Variants in PRKG1 observed in about 807,000 individuals in gnomAD.
PRKG1 encodes the protein cGMP-dependent protein kinase 1.
Under a neutral mutation model 88.1 loss-of-function variants are expected in PRKG1, and 35 were observed. The observed-to-expected ratio is 0.40, with a 90% CI of 0.30 to 0.53. The LOEUF (loss-of-function observed/expected upper bound fraction) is 0.53, where lower values mean the gene tolerates loss of function less well. Ranked by LOEUF, PRKG1 falls within the 20% of genes least tolerant of loss-of-function variation. The pLI, the probability that PRKG1 is intolerant of heterozygous loss-of-function variation, is 0.59. For missense variants in PRKG1, 540 were observed against 839.8 expected (o/e 0.64, Z 4.41); for synonymous variants, 303 against 292.5 (o/e 1.04, Z -0.37).
At chr10:51,833,973 G>A (rs1174306527) in intron 4 of PRKG1, among the ~76,000 whole-genome samples, 3 of 152,064 alleles carry the variant, frequency 2.0e-5, no homozygotes, top group Non-Finnish European at 4.4e-5. Flanking sequence ...TCCATGCCTA[G>A]CCTGTTTCAC....
chr10:51,848,853 T>TG (rs1840473753), intron 4 of PRKG1, among the ~76,000 whole-genome samples: 1 of 106,120 alleles, frequency 9.4e-6, no homozygotes, highest in African/African-American at 7.9e-5. Flanking sequence ...GCGTTTCTAT[T>TG]TTTTTTTTTT....
chr10:51,838,626 T>G (rs1840189033), intron 4 of PRKG1, among the ~76,000 whole-genome samples: 1 of 152,182 alleles, frequency 6.6e-6, no homozygotes, highest in Admixed American at 6.5e-5. Flanking sequence ...GGCTGAAATG[T>G]CTTCCTTATC....
intron 1 of PRKG1, among the ~76,000 whole-genome samples, chr10:51,009,442 T>G (rs761548604): frequency 6.6e-6 from 1 of 152,160 alleles, no homozygotes; most frequent in Non-Finnish European, 1.5e-5. Context: ...CACACATACT[T>G]TTAGCTTTAC....
chr10:51,312,040 T>A (rs1841201994), intron 2 of PRKG1, among the ~76,000 whole-genome samples: 1 of 151,696 alleles, frequency 6.6e-6, no homozygotes, highest in Admixed American at 6.6e-5. Context: ...CCCGGCTAAT[T>A]TTGTATTTTT....
rs191559463 is a variant in PRKG1 at position 52,105,216 on chromosome 10, G to A, written c.936-28624G>A. On this transcript the variant is annotated intron_variant, in intron 7 of 17. Coordinates refer to ENST00000373980, the MANE Select transcript of PRKG1 (RefSeq NM_006258.4). ...TTTTTTTTTTTATTACCAATTGGAA[G>A]AAACACATATATGGGTCCAAATTGT... Among the ~76,000 whole-genome samples the A allele has an allele frequency of 1.0e-2, 1,513 of 152,052 alleles. 17 individuals carry two copies. Among genetic ancestry groups the A allele is most frequent in the Non-Finnish European group, 0.016 (1,094 of 67,968 alleles).
intron 10 of PRKG1, 33 bp downstream of exon 10, chr10:52,251,699 C>G (rs767623831): frequency 6.6e-7 from 1 of 1,517,796 alleles, no homozygotes; most frequent in South Asian, 1.2e-5. Context: ...CTTTTGATCG[C>G]CTCTGCTTCC....
chr10:52,161,075 T>G (rs142497537), intron 8 of PRKG1, among the ~76,000 whole-genome samples: 9 of 152,094 alleles, frequency 5.9e-5, no homozygotes, highest in Non-Finnish European at 1.3e-4. Context: ...TAGAATGTAG[T>G]GTACAGTAAG....
intron 4 of PRKG1, among the ~76,000 whole-genome samples, chr10:51,895,015 T>C (rs1841808460): frequency 6.6e-6 from 1 of 152,180 alleles, no homozygotes. Context: ...AGAACTCTTG[T>C]CTAAATGAGA....
At chr10:51,684,245 C>A (rs753660565) in intron 3 of PRKG1, among the ~76,000 whole-genome samples, 60 of 152,152 alleles carry the variant, frequency 3.9e-4, no homozygotes, top group Non-Finnish European at 6.9e-4. Context: ...AAGCTGAAGA[C>A]CATACGTTGT....
chr10:51,939,703 A>T (rs1025673271), intron 5 of PRKG1, among the ~76,000 whole-genome samples: 10 of 151,786 alleles, frequency 6.6e-5, no homozygotes, highest in Admixed American at 2.6e-4. Flanking sequence ...GAGTCCTTAA[A>T]TATGTTGAGT....
chr10:51,969,615 A>G (rs76559245), intron 5 of PRKG1, among the ~76,000 whole-genome samples: 1,806 of 152,224 alleles, frequency 0.012, 41 homozygotes, highest in African/African-American at 0.042. Context: ...AAAGTGTTAT[A>G]TTGTATAAGA....
At chr10:52,266,186 T>TTTATTATTA (rs60451262) in intron 10 of PRKG1, among the ~76,000 whole-genome samples, 16 of 149,240 alleles carry the variant, frequency 1.1e-4, no homozygotes, top group Non-Finnish European at 1.6e-4. Flanking sequence ...ATATTAATGC[T>TTTATTATTA]TTATTATTAT....
intron 2 of PRKG1, among the ~76,000 whole-genome samples, chr10:51,173,890 A>G (rs1262201732): frequency 6.6e-6 from 1 of 151,850 alleles, no homozygotes; most frequent in Admixed American, 6.6e-5. Context: ...GTTTTTCCTT[A>G]TGCTTAAACT....
At position 52,162,864 on chromosome 10, in the gene PRKG1, C is replaced by G. The variant is rs546541147; in HGVS notation, c.1076+901C>G. On this transcript the variant is annotated intron_variant, in intron 9 of 17. Transcript: ENST00000373980. ...TTTCTCCTCTGTATCCTCTGTATAACCCTGAGGTCAAATGCCTGCAATGCC... is the reference window on the plus strand; with the variant it reads ...TTTCTCCTCTGTATCCTCTGTATAAGCCTGAGGTCAAATGCCTGCAATGCC... Among the ~76,000 whole-genome samples the G allele has an allele frequency of 9.9e-5, 15 of 152,216 alleles. No individual in the cohort carries two copies. The South Asian group carries it at 3.1e-3, about 32-fold the overall frequency.
At chr10:52,000,782 A>AAAG (rs1018413808) in intron 5 of PRKG1, among the ~76,000 whole-genome samples, 2 of 152,194 alleles carry the variant, frequency 1.3e-5, no homozygotes, top group African/African-American at 4.8e-5. Context: ...AAAATGGTTT[A>AAAG]AAGAAGATCT....
intron 1 of PRKG1, among the ~76,000 whole-genome samples, chr10:51,056,169 A>G (rs568726762): frequency 1.3e-5 from 2 of 152,210 alleles, no homozygotes; most frequent in South Asian, 4.1e-4. Context: ...GTGAGGTTAT[A>G]TATAAGGGTG....
chr10:51,893,074 A>G (rs1841761963), intron 4 of PRKG1, among the ~76,000 whole-genome samples: 1 of 152,166 alleles, frequency 6.6e-6, no homozygotes, highest in South Asian at 2.1e-4. Context: ...AAGCCATTGC[A>G]TTAGATGCTA....
At chr10:51,763,201 A>T (rs928212949) in intron 3 of PRKG1, among the ~76,000 whole-genome samples, 3 of 152,034 alleles carry the variant, frequency 2.0e-5, no homozygotes, top group Non-Finnish European at 2.9e-5. Context: ...ACTTGTAAGG[A>T]TGTTACGTTA....
chr10:51,181,399 G>A (rs1487730937), intron 2 of PRKG1, among the ~76,000 whole-genome samples: 3 of 149,688 alleles, frequency 2.0e-5, no homozygotes, highest in Non-Finnish European at 3.0e-5. Context: ...CCGCCACCGC[G>A]CCCGGCTAAT....
Sources: allele counts gnomAD v4.1 joint callset (sites outside exome capture counted in the v4.1 genomes callset), GRCh38; gene constraint gnomAD v4.1.1; transcripts MANE v1.5; gene names NCBI Gene and HGNC (gene_info 2026-07-23, HGNC 2026-07-21).